The following CCDC60 variants were observed in gnomAD, a reference collection of about 807,000 sequenced individuals.
CCDC60 encodes coiled-coil domain-containing protein 60.
A neutral mutation model predicts 63.5 loss-of-function variants in CCDC60; 54 were observed. The observed-to-expected ratio is 0.85, with a 90% CI of 0.68 to 1.07. The LOEUF (loss-of-function observed/expected upper bound fraction) is 1.07, where lower values mean the gene tolerates loss of function less well. Among genes scored for constraint, CCDC60 ranks in the 50% least tolerant of loss-of-function variants. The pLI is 0.00. For synonymous variants in CCDC60, 206 were observed against 238.8 expected (o/e 0.86, Z 1.27); for missense variants, 651 against 684.3 (o/e 0.95, Z 0.54).
chr12:119,422,025 G>A (rs577255132), intron 1 of CCDC60, among the ~76,000 whole-genome samples: 7 of 152,220 alleles, frequency 4.6e-5, no homozygotes, highest in African/African-American at 1.2e-4. Flanking sequence ...TACATTACAC[G>A]ACATCACATG....
At chr12:119,408,603 C>T (rs1166626280) in intron 1 of CCDC60, among the ~76,000 whole-genome samples, 1 of 152,150 alleles carries the variant, frequency 6.6e-6, no homozygotes, top group African/African-American at 2.4e-5. Context: ...GTGGGTGGAT[C>T]ACGAGGTCAG....
intron 1 of CCDC60, among the ~76,000 whole-genome samples, chr12:119,394,395 G>A (rs1956213336): frequency 6.6e-6 from 1 of 151,884 alleles, no homozygotes; most frequent in Admixed American, 6.6e-5. Context: ...AGGAAACGGG[G>A]TAATTTCATG....
chr12:119,354,817 A>G (rs1955699773), intron 1 of CCDC60, among the ~76,000 whole-genome samples: 1 of 152,238 alleles, frequency 6.6e-6, no homozygotes, highest in African/African-American at 2.4e-5. Flanking sequence ...TAGTAGCAGT[A>G]GAATTCAGGC....
chr12:119,416,669 G>GC (rs2136208340), intron 1 of CCDC60, among the ~76,000 whole-genome samples: 1 of 152,266 alleles, frequency 6.6e-6, no homozygotes, highest in South Asian at 2.1e-4. Context: ...TGGGAAGAGG[G>GC]CTCCAGCCTG....
At chr12:119,447,696 A>T (rs1438996191) in intron 2 of CCDC60, 1 of 152,242 alleles carries the variant, frequency 6.6e-6, no homozygotes, top group Non-Finnish European at 1.5e-5. Context: ...CTCAGAACTG[A>T]AAACTGACTG....
chr12:119,506,372 G>A (rs1952002260), intron 7 of CCDC60, among the ~76,000 whole-genome samples: 1 of 150,898 alleles, frequency 6.6e-6, no homozygotes, highest in African/African-American at 2.4e-5. Flanking sequence ...GGAGATGGAG[G>A]TGGGCAGATC....
intron 3 of CCDC60, among the ~76,000 whole-genome samples, chr12:119,478,205 C>T (rs2136341674): frequency 6.6e-6 from 1 of 152,098 alleles, no homozygotes; most frequent in Non-Finnish European, 1.5e-5. Context: ...ATCCCAGCTA[C>T]TCGGGAGGCT....
At chr12:119,539,926 G>C (rs1368324223) in intron 13 of CCDC60, among the ~76,000 whole-genome samples, 1 of 152,166 alleles carries the variant, frequency 6.6e-6, no homozygotes, top group Non-Finnish European at 1.5e-5. Flanking sequence ...GCTTCCCTTG[G>C]CTAGGGGAGA....
At chr12:119,380,194 T>C (rs1338097352) in intron 1 of CCDC60, among the ~76,000 whole-genome samples, 3 of 152,234 alleles carry the variant, frequency 2.0e-5, no homozygotes, top group Non-Finnish European at 4.4e-5. Context: ...TGTTTTACAT[T>C]CTTAAGAGGA....
chr12:119,523,230 G>T (rs891597818), intron 10 of CCDC60, among the ~76,000 whole-genome samples: 4 of 152,236 alleles, frequency 2.6e-5, no homozygotes, highest in African/African-American at 9.6e-5. Flanking sequence ...ACCATGAAAA[G>T]CATTCTGTCT....
intron 1 of CCDC60, among the ~76,000 whole-genome samples, chr12:119,338,313 G>GTCATGA (rs1323219586): frequency 6.6e-6 from 1 of 152,126 alleles, no homozygotes; most frequent in Admixed American, 6.5e-5. Context: ...AATAACTGCA[G>GTCATGA]TCATGATCAT....
intron 12 of CCDC60, among the ~76,000 whole-genome samples, chr12:119,529,739 G>A (rs548657276): frequency 1.1e-4 from 16 of 152,248 alleles, no homozygotes; most frequent in Admixed American, 1.3e-4. Context: ...GGAGAAAAGG[G>A]TCTTCTGCAA....
intron 7 of CCDC60, among the ~76,000 whole-genome samples, chr12:119,507,264 T>A (rs914250917): frequency 3.3e-5 from 5 of 151,606 alleles, no homozygotes; most frequent in African/African-American, 1.2e-4. Flanking sequence ...TTCAGAGTAA[T>A]GACTGCCAAC....
chr12:119,460,154 G>A (rs939713237), intron 2 of CCDC60, among the ~76,000 whole-genome samples: 3 of 152,098 alleles, frequency 2.0e-5, no homozygotes, highest in Non-Finnish European at 2.9e-5. Flanking sequence ...CCAGCACCAC[G>A]GGTAAATCCA....
At chr12:119,359,640 G>C (rs1955753158) in intron 1 of CCDC60, among the ~76,000 whole-genome samples, 1 of 151,484 alleles carries the variant, frequency 6.6e-6, no homozygotes. Flanking sequence ...ATAAACAAGT[G>C]AACAAAGGTC....
rs540194311 is a variant in CCDC60, at chr12:119,397,422, G to A, written c.91-31261G>A. ...ATTTTGATAGAGTGCTGATTGGTGC[G>A]TTTACAATCCCTGAGTTAGACACAG... On this transcript the variant is annotated intron_variant, in intron 1 of 13. Coordinates refer to ENST00000327554, the MANE Select transcript of CCDC60 (RefSeq NM_178499.5). 1.2e-3 allele frequency among the ~76,000 whole-genome samples: 176 copies of A among 151,902 alleles called. 1 individual carries two copies. Among genetic ancestry groups the A allele is most frequent in the African/African-American group, 3.8e-3 (159 of 41,386 alleles).
intron 6 of CCDC60, among the ~76,000 whole-genome samples, chr12:119,502,433 G>C (rs544400934): frequency 4.3e-4 from 66 of 152,244 alleles, no homozygotes; most frequent in African/African-American, 1.5e-3. Flanking sequence ...ATAGCAACTG[G>C]TTAACACAAC....
chr12:119,520,322 A>G, intron 9 of CCDC60, 130 bp downstream of exon 9: 1 of 723,266 alleles, frequency 1.4e-6, no homozygotes, highest in South Asian at 1.8e-5. Context: ...CCTTCTTATG[A>G]CCTCACTAGA....
At chr12:119,445,988 A>G (rs553177115) in intron 2 of CCDC60, among the ~76,000 whole-genome samples, 24 of 152,276 alleles carry the variant, frequency 1.6e-4, no homozygotes, top group African/African-American at 5.8e-4. Flanking sequence ...TGCTTAGGTG[A>G]TGGATGCACC....
Sources: gnomAD v4.1 joint callset for allele counts (sites outside exome capture counted in the v4.1 genomes callset) on GRCh38, gnomAD v4.1.1 for gene constraint, MANE v1.5 for transcripts, NCBI Gene and HGNC (gene_info 2026-07-23, HGNC 2026-07-21) for gene names.